SLC16A4: variants seen among roughly 807,000 people sequenced by gnomAD.
SLC16A4 encodes the protein probable monocarboxylate transporter 5.
A neutral mutation model predicts 47.9 loss-of-function variants in SLC16A4; 39 were observed. The ratio of observed to expected loss-of-function variants is 0.81; its 90% CI spans 0.63 to 1.06. The LOEUF (loss-of-function observed/expected upper bound fraction) is 1.06. SLC16A4 is among the 50% of genes least tolerant of loss of function. The probability of loss-of-function intolerance (pLI) is 0.00; values close to 1 mark genes in which losing one functional copy is unlikely to be tolerated. For synonymous variants in SLC16A4, 189 were observed against 199.9 expected (o/e 0.95, Z 0.46); for missense variants, 524 against 573.8 (o/e 0.91, Z 0.89).
In SLC16A4 at chr1:110,363,648, T is replaced by C; in HGVS notation, c.*118A>G. 1.9e-6 allele frequency: 2 copies of C among 1,042,032 alleles called. No homozygotes were observed. Among genetic ancestry groups the C allele is most frequent in the Non-Finnish European group, 2.6e-6 (2 of 757,916 alleles). 64.5% of individuals were successfully genotyped at this position (1,042,032 alleles called of 1,614,324 possible). The stretch of plus-strand genomic sequence containing the variant: ...CTCAAAAAAAAAAAAAAAAAAATTG[T>C]TTTCCTTCTCATGTTACAAATGTAG... On this transcript the variant is annotated 3_prime_UTR_variant, in exon 9 of 9. Coordinates refer to ENST00000369779, the MANE Select transcript of SLC16A4 (RefSeq NM_004696.3).
intron 8 of SLC16A4, chr1:110,375,247 A>G (rs529937859): frequency 1.2e-4 from 59 of 508,842 alleles, no homozygotes; most frequent in Admixed American, 4.5e-4. Context: ...CCAAGAATAT[A>G]AGAATCTGCT....
Position 110,382,860 on chromosome 1 carries a change from A to T in SLC16A4, c.194T>A (p.Ile65Asn). The T allele has an allele frequency of 4.3e-6, 7 of 1,609,574 alleles. No homozygotes were observed. Among genetic ancestry groups the T allele is most frequent in the Non-Finnish European group, 5.9e-6 (7 of 1,177,036 alleles). ...TGCACAAAAACGAAGAGATGACATG[A>T]TGGATCCAATCCAACCAATTTGCTC... is the stretch of plus-strand genomic sequence containing the variant. ...TSEQIGWIGS[I>N]MSSLRFCAGP... The change falls in exon 3 of 9, where the codon ATC becomes AAC. Residue 65 changes from isoleucine (I) to asparagine (N), a missense_variant. Transcript: ENST00000369779.
Position 110,381,108 on chromosome 1 carries a change from C to A in SLC16A4, c.400G>T (p.Val134Leu), listed in dbSNP as rs988425781. Residue 134 changes from valine (V) to leucine (L), a missense_variant, in exon 5 of 9, where the codon GTG (valine) becomes TTG (leucine). Transcript: ENST00000369779. ...TTTTTGAAGTATTTGGTAGTTACCA[C>A]AGCAGCCACTTGGTATAAGAAAGCA... ...GSAFLYQVAA[V>L]VTTKYFKKRL... is the part of the protein sequence containing the mutation. 1 of 1,614,018 alleles carries A rather than the reference C, an allele frequency of 6.2e-7. No homozygotes were observed. The highest frequency in any genetic ancestry group is 1.3e-5 in the African/African-American group (1 of 74,930).
At position 110,379,158 on chromosome 1, in the gene SLC16A4, G is replaced by C. The variant is rs144014643; in HGVS notation, c.725C>G (p.Thr242Arg). The C allele has an allele frequency of 6.2e-7, 1 of 1,614,160 alleles. No homozygotes were observed. The highest frequency in any genetic ancestry group is 1.1e-5 in the South Asian group (1 of 91,086). The change falls in exon 6 of 9, where the codon ACG (threonine) becomes AGG (arginine). Residue 242 changes from threonine to arginine, a missense_variant. Coordinates refer to ENST00000369779, the MANE Select transcript of SLC16A4 (RefSeq NM_004696.3). ...TTTGCTAGGTAGTCCAGCCTTCTGC[G>C]TAGTACTGTCCTTGATGGTAGACTC... Reference protein sequence around the residue: ...TEESTIKDSTTQKAGLPSKNL... With the variant: ...TEESTIKDSTRQKAGLPSKNL...
chr1:110,363,370 G>C lies in SLC16A4; in HGVS notation c.*396C>G, dbSNP rs1032244113. 2.0e-5 allele frequency: 3 copies of C among 153,506 alleles called. No homozygotes were observed. Among genetic ancestry groups the C allele is most frequent in the African/African-American group, 7.2e-5 (3 of 41,460 alleles). The allele number at this position is 153,506 out of a possible 1,614,324, so 9.5% of individuals were successfully genotyped here. On this transcript the variant is annotated 3_prime_UTR_variant, in exon 9 of 9. Coordinates refer to ENST00000369779, the MANE Select transcript of SLC16A4 (RefSeq NM_004696.3). ...TGGCCGCGCCCAGTGGCTCATGCCT[G>C]TAATCCCAGCACTTTGGAGGACAAG...
intron 8 of SLC16A4, chr1:110,373,112 A>G (rs1240969138): frequency 6.6e-6 from 1 of 152,158 alleles, no homozygotes; most frequent in East Asian, 1.9e-4. Flanking sequence ...TTTTCAGGTA[A>G]TGGTCTTCAG....
At chr1:110,375,997 C>A (rs1439527433) in intron 7 of SLC16A4, among the ~76,000 whole-genome samples, 2 of 152,080 alleles carry the variant, frequency 1.3e-5, no homozygotes, top group Admixed American at 1.3e-4. Flanking sequence ...CTCCCAGTTA[C>A]TTCCAAGTAG....
intron 8 of SLC16A4, among the ~76,000 whole-genome samples, chr1:110,373,239 G>A (rs1316370140): frequency 2.0e-5 from 3 of 152,072 alleles, no homozygotes; most frequent in Non-Finnish European, 4.4e-5. Flanking sequence ...TTTTTCATTT[G>A]AGTAAGATAT....
At chr1:110,378,793 A>C in intron 6 of SLC16A4, 60 bp downstream of exon 6, 1 of 1,519,292 alleles carries the variant, frequency 6.6e-7, no homozygotes, top group Non-Finnish European at 8.8e-7. Context: ...AAATGTAATA[A>C]GCTTGTAAAA....
chr1:110,390,480 G>A (rs1284437923), intron 1 of SLC16A4, among the ~76,000 whole-genome samples: 1 of 152,148 alleles, frequency 6.6e-6, no homozygotes, highest in East Asian at 1.9e-4. Context: ...GACAGTTGGG[G>A]AAATTTGAAT....
intron 8 of SLC16A4, chr1:110,370,783 G>A (rs748241281): frequency 6.6e-6 from 1 of 152,126 alleles, no homozygotes; most frequent in African/African-American, 2.4e-5. Context: ...AAAAATACTC[G>A]TGAAATACCT....
At position 110,381,644 on chromosome 1, in the gene SLC16A4, G is replaced by A; in HGVS notation, c.364+8C>T. The stretch of plus-strand genomic sequence containing the variant: ...CCTTCTATGGTCACATAATTACAAT[G>A]GACTCACCGGGTAGAAGTCCCATAG... On this transcript the variant is annotated splice_region_variant and intron_variant, in intron 4 of 8. Coordinates refer to ENST00000369779, the MANE Select transcript of SLC16A4 (RefSeq NM_004696.3). The A allele has an allele frequency of 6.2e-7, 1 of 1,608,540 alleles. No homozygotes were observed.
chr1:110,368,383 C>T (rs1457750859), intron 8 of SLC16A4, among the ~76,000 whole-genome samples: 1 of 152,166 alleles, frequency 6.6e-6, no homozygotes, highest in East Asian at 1.9e-4. Context: ...AATAAACTGG[C>T]AGCTGATGCA....
At chr1:110,364,730 T>C (rs1006796541) in intron 8 of SLC16A4, among the ~76,000 whole-genome samples, 1 of 151,958 alleles carries the variant, frequency 6.6e-6, no homozygotes, top group African/African-American at 2.4e-5. Context: ...AGGGTGGTCT[T>C]GAACTCCTGA....
chr1:110,368,194 A>G (rs1661497508), intron 8 of SLC16A4, among the ~76,000 whole-genome samples: 1 of 152,244 alleles, frequency 6.6e-6, no homozygotes, highest in African/African-American at 2.4e-5. Flanking sequence ...ACCATTTTAA[A>G]TGGAAGCACA....
chr1:110,370,509 TGAG>T (rs1413404650), intron 8 of SLC16A4: 1 of 152,192 alleles, frequency 6.6e-6, no homozygotes, highest in Admixed American at 6.5e-5. Flanking sequence ...TATCATTTCA[TGAG>T]GAGATGACTT....
At position 110,381,727 on chromosome 1, in the gene SLC16A4, C is replaced by T; in HGVS notation, c.289G>A (p.Val97Ile). Residue 97 changes from valine (V) to isoleucine (I), a missense_variant, in exon 4 of 9, where the codon GTT (valine) becomes ATT (isoleucine). Physicochemically the swap from Val to Ile is conservative, Grantham distance 29 (BLOSUM62 3). Coordinates refer to ENST00000369779, the MANE Select transcript of SLC16A4 (RefSeq NM_004696.3). ...CTGCTGATCAGATATCCACCAGTAA[C>T]AACGAAAGCCCCAAGAATGGAGGTA... ...KTTSILGAFV[V>I]TGGYLISSWA... The T allele has an allele frequency of 6.2e-7, 1 of 1,613,684 alleles. No individual in the cohort carries two copies. The highest frequency in any genetic ancestry group is 2.2e-5 in the East Asian group (1 of 44,870).
intron 1 of SLC16A4, 45 bp downstream of exon 1, chr1:110,390,820 G>A (rs1330002361): frequency 1.3e-5 from 2 of 152,158 alleles, no homozygotes; most frequent in African/African-American, 2.4e-5. Flanking sequence ...GATGCCAGTC[G>A]TTGTTAGAAA....
At chr1:110,375,436 C>T in intron 8 of SLC16A4, 22 bp downstream of exon 8, 2 of 1,399,028 alleles carry the variant, frequency 1.4e-6, no homozygotes, top group South Asian at 1.2e-5. Flanking sequence ...GAAATTTGTT[C>T]AGAATGTGGT....
Sources: allele counts gnomAD v4.1 joint callset (sites outside exome capture counted in the v4.1 genomes callset), GRCh38; gene constraint gnomAD v4.1.1; transcripts MANE v1.5; gene names NCBI Gene and HGNC (gene_info 2026-07-23, HGNC 2026-07-21).